The following ADAMTS18 variants were observed in gnomAD, a reference collection of about 807,000 sequenced individuals.
ADAMTS18 encodes ADAM metallopeptidase with thrombospondin type 1 motif 18.
Under a neutral mutation model 165.9 loss-of-function variants are expected in ADAMTS18, and 157 were observed. The ratio of observed to expected loss-of-function variants is 0.95; its 90% CI spans 0.83 to 1.08. The LOEUF is 1.08. Ranked by LOEUF, ADAMTS18 falls within the 50% of genes least tolerant of loss-of-function variation. ADAMTS18 has a pLI of 0.00. For missense variants in ADAMTS18, 2,040 were observed against 1,534.0 expected, an observed-to-expected ratio of 1.33 and a Z score of -5.51; for synonymous variants, 782 against 578.2, an observed-to-expected ratio of 1.35 and a Z score of -5.06.
chr16:77,373,561 G>C (rs758386539), intron 3 of ADAMTS18, among the ~76,000 whole-genome samples: 12 of 152,146 alleles, frequency 7.9e-5, no homozygotes, highest in Non-Finnish European at 1.6e-4. Flanking sequence ...AGACTTGGGA[G>C]AAAGAGTAGG....
chr16:77,431,229 C>T (rs1457625035), intron 3 of ADAMTS18, 66 bp downstream of exon 3: 7 of 1,552,818 alleles, frequency 4.5e-6, no homozygotes, highest in Non-Finnish European at 6.2e-6. Flanking sequence ...ATATTGCAGA[C>T]ATCTGTTCAT....
intron 7 of ADAMTS18, among the ~76,000 whole-genome samples, chr16:77,359,993 G>A (rs1221355091): frequency 6.6e-6 from 1 of 152,114 alleles, no homozygotes; most frequent in Non-Finnish European, 1.5e-5. Context: ...TTCCCTCTAA[G>A]AGCCATTATA....
chr16:77,385,197 C>T (rs1597207885), intron 3 of ADAMTS18, among the ~76,000 whole-genome samples: 1 of 152,158 alleles, frequency 6.6e-6, no homozygotes, highest in Non-Finnish European at 1.5e-5. Flanking sequence ...GAGTGAGCCA[C>T]CATGCCTGGC....
chr16:77,384,104 T>G (rs1423077359), intron 3 of ADAMTS18, among the ~76,000 whole-genome samples: 1 of 152,158 alleles, frequency 6.6e-6, no homozygotes, highest in East Asian at 1.9e-4. Flanking sequence ...TGTCCATTGT[T>G]TGGCAGCTGG....
chr16:77,335,495 TAAAGAAATGACATTGG>T (rs770172362), intron 12 of ADAMTS18, among the ~76,000 whole-genome samples: 10 of 151,728 alleles, frequency 6.6e-5, no homozygotes, highest in Admixed American at 1.3e-4. Context: ...ATGGGCCTAA[TAAAGAAATGACATTGG>T]AATTTTTTTA....
intron 14 of ADAMTS18, 130 bp downstream of exon 14, chr16:77,322,206 C>G: frequency 1.4e-6 from 1 of 717,346 alleles, no homozygotes; most frequent in South Asian, 1.4e-5. Flanking sequence ...CAGTGAAACA[C>G]TTTGCTCTTT....
chr16:77,319,744 G>A (rs1408049407), intron 16 of ADAMTS18, 105 bp downstream of exon 16: 1 of 1,585,156 alleles, frequency 6.3e-7, no homozygotes, highest in Non-Finnish European at 8.6e-7. Flanking sequence ...TGCCCGGCCA[G>A]GAAACACCTT....
At chr16:77,318,606 A>T (rs1249865449) in intron 16 of ADAMTS18, among the ~76,000 whole-genome samples, 2 of 152,218 alleles carry the variant, frequency 1.3e-5, no homozygotes, top group South Asian at 4.1e-4. Flanking sequence ...GATAATAATA[A>T]TAACAGTTAC....
chr16:77,346,269 T>C (rs2056474587), intron 10 of ADAMTS18, among the ~76,000 whole-genome samples: 1 of 152,214 alleles, frequency 6.6e-6, no homozygotes, highest in African/African-American at 2.4e-5. Flanking sequence ...TAACGTTTAT[T>C]GTGTTTTGTT....
At chr16:77,371,097 A>G (rs2454934) in intron 3 of ADAMTS18, among the ~76,000 whole-genome samples, 55,616 of 151,840 alleles carry the variant, frequency 0.37, 10,963 homozygotes, top group Non-Finnish European at 0.45. Context: ...TGCCTGTGGT[A>G]CCAGCTTCTT....
intron 4 of ADAMTS18, among the ~76,000 whole-genome samples, chr16:77,364,693 G>T (rs756588070): frequency 5.4e-5 from 8 of 146,934 alleles, no homozygotes; most frequent in Admixed American, 2.1e-4. Flanking sequence ...ATGGATAATG[G>T]ATGAACTTAG....
At chr16:77,394,706 G>A (rs1216191055) in intron 3 of ADAMTS18, among the ~76,000 whole-genome samples, 2 of 152,170 alleles carry the variant, frequency 1.3e-5, no homozygotes, top group African/African-American at 4.8e-5. Context: ...TTTCAAGAAA[G>A]TATTTAGCAT....
chr16:77,289,250 T>G lies in ADAMTS18; in HGVS notation c.3550+14A>C. On this transcript the variant is annotated intron_variant, in intron 22 of 22. Coordinates refer to ENST00000282849, the MANE Select transcript of ADAMTS18 (RefSeq NM_199355.4). ...AAGACTAGTAAAGTTGACTGGAGCA[T>G]GGTGCCTTTTTACCTCTCTTTTCAG... 1.2e-6 allele frequency: 2 copies of G among 1,614,068 alleles called. No homozygotes were observed. The highest frequency in any genetic ancestry group is 1.7e-6 in the Non-Finnish European group (2 of 1,179,926).
intron 3 of ADAMTS18, among the ~76,000 whole-genome samples, chr16:77,403,956 T>A (rs1481765679): frequency 6.6e-6 from 1 of 151,978 alleles, no homozygotes; most frequent in Non-Finnish European, 1.5e-5. Flanking sequence ...GGAGCAGAGA[T>A]CTGAATGACA....
chr16:77,387,871 G>T (rs2144783571), intron 3 of ADAMTS18, among the ~76,000 whole-genome samples: 1 of 152,194 alleles, frequency 6.6e-6, no homozygotes, highest in East Asian at 1.9e-4. Context: ...CCCCCATTTG[G>T]GTGCTGCAGA....
intron 13 of ADAMTS18, among the ~76,000 whole-genome samples, chr16:77,323,125 TA>T (rs543657272): frequency 8.6e-5 from 13 of 151,510 alleles, no homozygotes; most frequent in African/African-American, 1.7e-4. Context: ...AGGCAAAAAT[TA>T]AAAAAAAATT....
intron 7 of ADAMTS18, 125 bp from the exon 8 acceptor site, chr16:77,359,548 G>A (rs1316911697): frequency 2.4e-5 from 15 of 627,176 alleles, no homozygotes; most frequent in African/African-American, 1.3e-4. Context: ...CAGTGTTTTT[G>A]GAAAAAAAAA....
intron 16 of ADAMTS18, among the ~76,000 whole-genome samples, chr16:77,305,118 C>T (rs2055658412): frequency 5.6e-5 from 1 of 17,872 alleles, no homozygotes; most frequent in South Asian, 1.2e-3. Context: ...CAAATAAGTA[C>T]CAAGACAAAT....
At chr16:77,390,019 C>A (rs1359745554) in intron 3 of ADAMTS18, among the ~76,000 whole-genome samples, 1 of 152,092 alleles carries the variant, frequency 6.6e-6, no homozygotes, top group Non-Finnish European at 1.5e-5. Context: ...TCTACAAAAT[C>A]TACTATGCTC....
Sources: gnomAD v4.1 joint callset for allele counts (sites outside exome capture counted in the v4.1 genomes callset) on GRCh38, gnomAD v4.1.1 for gene constraint, MANE v1.5 for transcripts, NCBI Gene and HGNC (gene_info 2026-07-23, HGNC 2026-07-21) for gene names.